The following ADPGK variants were observed in gnomAD, a reference collection of about 807,000 sequenced individuals.
The protein encoded by ADPGK is ADP dependent glucokinase.
In ADPGK, 26 loss-of-function variants were observed where a neutral mutation model predicts 42.4. That is an observed-to-expected ratio of 0.61 (90% confidence interval 0.45 to 0.85). The LOEUF is 0.85. Among genes scored for constraint, ADPGK ranks in the 40% least tolerant of loss-of-function variants. The pLI, the probability that ADPGK is intolerant of heterozygous loss-of-function variation, is 0.00. For missense variants in ADPGK, 571 were observed against 627.0 expected (o/e 0.91, Z 0.95); for synonymous variants, 267 against 252.6 (o/e 1.06, Z -0.54).
intron 3 of ADPGK, among the ~76,000 whole-genome samples, chr15:72,764,502 C>G (rs2066234172): frequency 6.6e-6 from 1 of 152,152 alleles, no homozygotes; most frequent in African/African-American, 2.4e-5. Flanking sequence ...CAGAAGCTAG[C>G]AGAGGTTGGT....
chr15:72,764,053 A>G (rs2066228098), intron 3 of ADPGK, among the ~76,000 whole-genome samples: 1 of 152,194 alleles, frequency 6.6e-6, no homozygotes, highest in Admixed American at 6.5e-5. Context: ...CCTGAGACAT[A>G]ACAATATTGA....
chr15:72,756,056 A>T, intron 5 of ADPGK, 195 bp downstream of exon 5: 1 of 720,482 alleles, frequency 1.4e-6, no homozygotes, highest in Non-Finnish European at 2.5e-6. Flanking sequence ...GCCCTGTCCT[A>T]CTCAAGCTGC....
At chr15:72,766,469 ACT>A (rs766717890) in intron 3 of ADPGK, among the ~76,000 whole-genome samples, 11 of 152,232 alleles carry the variant, frequency 7.2e-5, no homozygotes, top group Non-Finnish European at 1.3e-4. Context: ...AAGGCAAAAC[ACT>A]CTGCCAGCAA....
intron 4 of ADPGK, chr15:72,760,172 C>A (rs1265493459): frequency 1.7e-5 from 5 of 297,438 alleles, no homozygotes; most frequent in Non-Finnish European, 3.1e-5. Context: ...ATCTTGGGTT[C>A]GGAGCAATTC....
Position 72,767,723 on chromosome 15 carries a change from C to T in ADPGK, c.522+4060G>A, listed in dbSNP as rs149105295. Among the ~76,000 whole-genome samples, 34 of 152,194 alleles carry T rather than the reference C, an allele frequency of 2.2e-4. No individual in the cohort carries two copies. The East Asian group carries it at 6.4e-3, about 28-fold the overall frequency. ...TCCATGAATGGGCTATTAAATGGCA[C>T]ATCTCAATAAATCAAAGGGATATTA... On this transcript the variant is annotated intron_variant, in intron 3 of 6. Coordinates refer to ENST00000456471, the MANE Select transcript of ADPGK (RefSeq NM_001365225.1).
At chr15:72,781,094 G>C (rs1595808219) in intron 1 of ADPGK, among the ~76,000 whole-genome samples, 3 of 152,258 alleles carry the variant, frequency 2.0e-5, no homozygotes, top group African/African-American at 7.2e-5. Context: ...ACCTCAAAAT[G>C]AGATTCTGAT....
intron 3 of ADPGK, among the ~76,000 whole-genome samples, chr15:72,770,700 T>C (rs1000786886): frequency 2.6e-5 from 4 of 152,230 alleles, no homozygotes; most frequent in Non-Finnish European, 5.9e-5. Context: ...AAGTATTTTC[T>C]ACCCTAATAT....
chr15:72,769,794 T>A (rs1247431902), intron 3 of ADPGK, among the ~76,000 whole-genome samples: 2 of 152,218 alleles, frequency 1.3e-5, no homozygotes, highest in African/African-American at 4.8e-5. Context: ...CAATTCCCAC[T>A]CTACTCATTA....
chr15:72,759,462 A>T (rs2066164455), intron 4 of ADPGK, among the ~76,000 whole-genome samples: 1 of 152,228 alleles, frequency 6.6e-6, no homozygotes, highest in South Asian at 2.1e-4. Flanking sequence ...AACTGATTCT[A>T]GTAAGCACCC....
At chr15:72,761,418 GC>G (rs1396111970) in intron 3 of ADPGK, among the ~76,000 whole-genome samples, 2 of 152,200 alleles carry the variant, frequency 1.3e-5, no homozygotes, top group African/African-American at 4.8e-5. Context: ...GAATAGGACA[GC>G]CTTTCCAATA....
intron 6 of ADPGK, among the ~76,000 whole-genome samples, chr15:72,754,106 AAAAC>A (rs1271632038): frequency 1.3e-5 from 2 of 152,016 alleles, no homozygotes; most frequent in Non-Finnish European, 2.9e-5. Context: ...AAAAAAAAAA[AAAAC>A]AAAACCAACG....
chr15:72,783,648 A>AGCCG lies in ADPGK; in HGVS notation c.43_44insCGGC (p.Leu15ProfsTer71), dbSNP rs2066499582. 1 of 1,509,244 alleles carries AGCCG rather than the reference A, an allele frequency of 6.6e-7. No individual in the cohort carries two copies. The highest frequency in any genetic ancestry group is 1.4e-5 in the African/African-American group (1 of 69,354). 93.5% of individuals were successfully genotyped at this position (1,509,244 alleles called of 1,614,324 possible). A position where few individuals can be genotyped will look rare whatever the true frequency, so the allele number is the denominator to read the frequency against. The stretch of plus-strand genomic sequence containing the variant: ...CAGCAGGAAGACGCAGCCCACGGCC[A>AGCCG]GCGCCAGGAAGCCCGCGTACGCGGA... On this transcript the variant is annotated frameshift_variant, in exon 1 of 7. Coordinates refer to ENST00000456471, the MANE Select transcript of ADPGK (RefSeq NM_001365225.1). LOFTEE classifies it high-confidence loss of function.
intron 2 of ADPGK, among the ~76,000 whole-genome samples, chr15:72,772,360 G>A (rs2066339312): frequency 6.6e-6 from 1 of 152,066 alleles, no homozygotes; most frequent in South Asian, 2.1e-4. Context: ...GCCTTCCCCT[G>A]TCTCTGTGCC....
chr15:72,780,826 C>T (rs1403691761), intron 1 of ADPGK, among the ~76,000 whole-genome samples: 11 of 152,142 alleles, frequency 7.2e-5, no homozygotes, highest in African/African-American at 2.7e-4. Context: ...AAAAACCTGT[C>T]GTTTTTGACT....
At chr15:72,756,513 G>T in intron 4 of ADPGK, 66 bp from the exon 5 acceptor site, 1 of 1,531,854 alleles carries the variant, frequency 6.5e-7, no homozygotes. Flanking sequence ...AGCTGTGGGG[G>T]CACTTTCAGG....
At chr15:72,782,527 C>CAAAAAAAAAAAA in intron 1 of ADPGK, among the ~76,000 whole-genome samples, 1 of 61,278 alleles carries the variant, frequency 1.6e-5, no homozygotes, top group Non-Finnish European at 2.8e-5. Flanking sequence ...ACCCTGTGTC[C>CAAAAAAAAAAAA]AAAAAAAAAA....
chr15:72,752,075 T>A lies in ADPGK; in HGVS notation c.*266A>T. On this transcript the variant is annotated 3_prime_UTR_variant, in exon 7 of 7. Transcript: ENST00000456471. ...AGGGGTGAAGAAGTTTAGCTTAAAATACCTGATGGCGCTGCATAAACTGGG... is the reference window on the plus strand; with the variant it reads ...AGGGGTGAAGAAGTTTAGCTTAAAAAACCTGATGGCGCTGCATAAACTGGG... 1 of 434,342 alleles carries A rather than the reference T, an allele frequency of 2.3e-6. No homozygotes were observed. Among genetic ancestry groups the A allele is most frequent in the Non-Finnish European group, 4.1e-6 (1 of 242,094 alleles). 26.9% of individuals were successfully genotyped at this position (434,342 alleles called of 1,614,324 possible).
chr15:72,760,983 A>AAG (rs968320893), intron 3 of ADPGK, among the ~76,000 whole-genome samples: 1 of 152,142 alleles, frequency 6.6e-6, no homozygotes, highest in African/African-American at 2.4e-5. Context: ...CTTATAAGAA[A>AAG]AGAGAGAGAG....
In ADPGK at chr15:72,783,598, G is replaced by C; in HGVS notation, c.94C>G (p.Leu32Val). 2.0e-6 allele frequency: 3 copies of C among 1,516,818 alleles called. No homozygotes were observed. Among genetic ancestry groups the C allele is most frequent in the Non-Finnish European group, 2.6e-6 (3 of 1,140,494 alleles). The allele number at this position is 1,516,818 out of a possible 1,614,324, so 94.0% of individuals were successfully genotyped here. A position where few individuals can be genotyped will look rare whatever the true frequency, so the allele number is the denominator to read the frequency against. The change falls in exon 1 of 7, where the codon CTG becomes GTG. Residue 32 changes from leucine (L) to valine (V), a missense_variant. Physicochemically the swap from Leu to Val is conservative, Grantham distance 32. This residue lies in a region of ADPGK where 137 missense variants were observed against 104.2 expected (regional missense o/e 1.31). Transcript: ENST00000456471. ...LLEPELPGSA[L>V]RSLWSSLCLG... is the part of the protein sequence containing the mutation. ...CACAGCGAGCTCCAGAGAGAGCGCA[G>C]CGCCGAGCCTGGCAGCTCTGGCTCC...
Sources: allele counts gnomAD v4.1 joint callset (sites outside exome capture counted in the v4.1 genomes callset), GRCh38; gene constraint gnomAD v4.1.1; regional missense constraint gnomAD v4.1.1; transcripts MANE v1.5; gene names NCBI Gene and HGNC (gene_info 2026-07-23, HGNC 2026-07-21).